SCRG1: variants seen among roughly 807,000 people sequenced by gnomAD.
SCRG1 encodes the protein stimulator of chondrogenesis 1.
In SCRG1, 3 loss-of-function variants were observed where a neutral mutation model predicts 7.7. The observed-to-expected ratio is 0.39, with a 90% CI of 0.18 to 1.01. SCRG1 has a LOEUF of 1.01. Among genes scored for constraint, SCRG1 ranks in the 50% least tolerant of loss-of-function variants. SCRG1 has a pLI of 0.36. For synonymous variants in SCRG1, 46 were observed against 41.2 expected, an observed-to-expected ratio of 1.12 and a Z score of -0.44; for missense variants, 110 against 117.2, an observed-to-expected ratio of 0.94 and a Z score of 0.28.
upstream of SCRG1, among the ~76,000 whole-genome samples, chr4:173,402,072 G>A (rs1049342308): frequency 2.6e-5 from 4 of 151,986 alleles, no homozygotes; most frequent in African/African-American, 7.3e-5. Flanking sequence ...ACCTCTTATC[G>A]AACCCGCTTT....
the SCRG1 span, among the ~76,000 whole-genome samples, chr4:173,501,663 A>G: frequency 6.6e-6 from 1 of 152,136 alleles, no homozygotes; most frequent in Non-Finnish European, 1.5e-5. This position sits in a 1 kb window ranked among gnomAD's most constrained non-coding sequence, Gnocchi z 5.1. Flanking sequence ...CGGAGGTCAC[A>G]GTGATGCTCT....
At chr4:173,476,378 A>ATT in the SCRG1 span, among the ~76,000 whole-genome samples, 1 of 138,330 alleles carries the variant, frequency 7.2e-6, no homozygotes, top group South Asian at 2.3e-4. Context: ...ATATATATAT[A>ATT]TAATGAATTG....
the SCRG1 span, among the ~76,000 whole-genome samples, chr4:173,455,293 G>A: frequency 1.3e-5 from 2 of 152,174 alleles, no homozygotes; most frequent in African/African-American, 4.8e-5. Flanking sequence ...AATTCATTAT[G>A]CACATACTCA....
At chr4:173,459,692 A>C in the SCRG1 span, among the ~76,000 whole-genome samples, 1,771 of 152,312 alleles carry the variant, frequency 0.012, 30 homozygotes, top group African/African-American at 0.039. Flanking sequence ...CTAATGTAGG[A>C]GCTAAGAAAA....
At chr4:173,457,573 C>T in the SCRG1 span, among the ~76,000 whole-genome samples, 2 of 152,170 alleles carry the variant, frequency 1.3e-5, no homozygotes, top group African/African-American at 4.8e-5. Flanking sequence ...AGGTGTCTGT[C>T]CCCGCAGATG....
chr4:173,494,185 G>A, the SCRG1 span, among the ~76,000 whole-genome samples: 1 of 152,094 alleles, frequency 6.6e-6, no homozygotes, highest in Non-Finnish European at 1.5e-5. Flanking sequence ...TGCACACCCA[G>A]GCGCGAGTGC....
the SCRG1 span, among the ~76,000 whole-genome samples, chr4:173,467,164 C>T: frequency 6.6e-6 from 1 of 152,026 alleles, no homozygotes; most frequent in Non-Finnish European, 1.5e-5. Context: ...AAAGAAAATA[C>T]ATTTTTCTTA....
At chr4:173,443,894 A>G in the SCRG1 span, among the ~76,000 whole-genome samples, 1 of 151,272 alleles carries the variant, frequency 6.6e-6, no homozygotes, top group African/African-American at 2.4e-5. Flanking sequence ...GGACCGTGTC[A>G]TATATACTGT....
At chr4:173,508,417 C>A in the SCRG1 span, among the ~76,000 whole-genome samples, 4 of 152,140 alleles carry the variant, frequency 2.6e-5, no homozygotes, top group Non-Finnish European at 5.9e-5. This position sits in a 1 kb window ranked among gnomAD's most constrained non-coding sequence, Gnocchi z 4.4. Context: ...GACAAATATG[C>A]CCACACTTTG....
chr4:173,477,203 C>A, the SCRG1 span, among the ~76,000 whole-genome samples: 1 of 152,240 alleles, frequency 6.6e-6, no homozygotes, highest in South Asian at 2.1e-4. Context: ...TCACTTATCT[C>A]GTGTCTCATA....
chr4:173,484,463 CA>C, the SCRG1 span, among the ~76,000 whole-genome samples: 1 of 12,602 alleles, frequency 7.9e-5, no homozygotes, highest in African/African-American at 1.7e-4. Flanking sequence ...ATATTATATA[CA>C]TATAATATAT....
chr4:173,502,775 C>A, the SCRG1 span, among the ~76,000 whole-genome samples: 3 of 152,174 alleles, frequency 2.0e-5, no homozygotes, highest in African/African-American at 7.2e-5. The surrounding 1 kb of genome is among the most constrained non-coding windows in gnomAD (Gnocchi z 4.6). Flanking sequence ...CTGATCCTCC[C>A]CACAAGGTCC....
At chr4:173,484,422 T>TATATATTATATACATATAATATATAA in the SCRG1 span, among the ~76,000 whole-genome samples, 19 of 53,858 alleles carry the variant, frequency 3.5e-4, no homozygotes, top group African/African-American at 1.2e-3. Flanking sequence ...ATAATATATA[T>TATATATTATATACATATAATATATAA]TATATATTAT....
the SCRG1 span, among the ~76,000 whole-genome samples, chr4:173,484,173 TATATA>T: frequency 9.1e-4 from 87 of 95,994 alleles, no homozygotes; most frequent in Non-Finnish European, 1.2e-3. Context: ...TTATATATAA[TATATA>T]ATATATTTTC....
chr4:173,443,260 A>C, the SCRG1 span, among the ~76,000 whole-genome samples: 12,323 of 152,250 alleles, frequency 0.081, 591 homozygotes, highest in Non-Finnish European at 0.097. Context: ...GGAAATGATG[A>C]GAGACTTGTA....
the SCRG1 span, among the ~76,000 whole-genome samples, chr4:173,494,489 C>T: frequency 6.6e-6 from 1 of 152,260 alleles, no homozygotes. Flanking sequence ...ACGGGGTGCG[C>T]TCTTCACCTT....
chr4:173,391,456 T>A, intron 1 of SCRG1, 28 bp from the exon 2 acceptor site: 2 of 1,609,154 alleles, frequency 1.2e-6, no homozygotes, highest in Non-Finnish European at 1.7e-6. Context: ...CCAAAATGTG[T>A]CAATGTTTGT....
At chr4:173,413,013 T>A in the SCRG1 span, among the ~76,000 whole-genome samples, 1 of 152,102 alleles carries the variant, frequency 6.6e-6, no homozygotes, top group Non-Finnish European at 1.5e-5. Flanking sequence ...GAAATTCATA[T>A]ACAGCTTAGA....
the SCRG1 span, among the ~76,000 whole-genome samples, chr4:173,483,018 A>T: frequency 0.67 from 83,652 of 124,696 alleles, 28,468 homozygotes; most frequent in Non-Finnish European, 0.73. Context: ...ATATTATATA[A>T]TTTATATGTA....
Sources: gnomAD v4.1 joint callset for allele counts (sites outside exome capture counted in the v4.1 genomes callset) on GRCh38, gnomAD v4.1.1 for gene constraint, Gnocchi (gnomAD v3.1) non-coding constraint, MANE v1.5 for transcripts, NCBI Gene and HGNC (gene_info 2026-07-23, HGNC 2026-07-21) for gene names.